DNAH8: variants seen among roughly 807,000 people sequenced by gnomAD.
The protein encoded by DNAH8 is axonemal beta dynein heavy chain 8.
DNAH8 carries 382 observed loss-of-function variants against 562.1 expected under a neutral mutation model. The observed-to-expected ratio is 0.68, with a 90% CI of 0.63 to 0.74. DNAH8 has a LOEUF of 0.74. Among genes scored for constraint, DNAH8 ranks in the 30% least tolerant of loss-of-function variants. The pLI is 0.00. For missense variants in DNAH8, 5,203 were observed against 5,620.4 expected (o/e 0.93, Z 2.37); for synonymous variants, 1,881 against 1,919.4 (o/e 0.98, Z 0.52).
intron 64 of DNAH8, 104 bp from the exon 65 acceptor site, chr6:38,909,414 C>A: frequency 9.9e-7 from 1 of 1,012,962 alleles, no homozygotes; most frequent in South Asian, 1.5e-5. Context: ...GATTCATTTT[C>A]AAATCTGTGA....
rs142920824 is a variant in DNAH8 at position 38,918,717 on chromosome 6, A to G, written c.10524+577A>G. Among the ~76,000 whole-genome samples the G allele has an allele frequency of 3.3e-5, 5 of 152,278 alleles. No homozygotes were observed. The East Asian group carries it at 9.6e-4, about 29-fold the overall frequency. ...GGGTCCAAGCACTCCATAATGGCCA[A>G]AGCTGGTCTTCATGGATGAGGGAAC... On this transcript the variant is annotated intron_variant, in intron 70 of 92. Coordinates refer to ENST00000327475, the MANE Select transcript of DNAH8 (RefSeq NM_001206927.2).
At chr6:38,746,498 C>G (rs926032686) in intron 8 of DNAH8, among the ~76,000 whole-genome samples, 32 of 151,918 alleles carry the variant, frequency 2.1e-4, no homozygotes, top group African/African-American at 7.3e-4. Context: ...GCCAGATGTG[C>G]TTATTTGTTG....
chr6:38,751,129 T>C (rs1435109542), intron 9 of DNAH8, among the ~76,000 whole-genome samples: 1 of 152,208 alleles, frequency 6.6e-6, no homozygotes, highest in East Asian at 1.9e-4. Flanking sequence ...TCAAAGTCTC[T>C]CATGAGGTTG....
At chr6:38,882,857 A>T (rs1246106453) in intron 53 of DNAH8, 53 bp from the exon 54 acceptor site, 6 of 1,261,770 alleles carry the variant, frequency 4.8e-6, no homozygotes, top group Non-Finnish European at 6.4e-6. Context: ...GTATTATGAG[A>T]TAACTTTCAC....
intron 77 of DNAH8, among the ~76,000 whole-genome samples, chr6:38,936,693 G>T (rs1346425309): frequency 1.3e-5 from 2 of 152,100 alleles, no homozygotes; most frequent in Non-Finnish European, 2.9e-5. Context: ...ATACCCCTGG[G>T]CATTAAAAAT....
At chr6:38,824,703 C>T (rs1209157247) in intron 28 of DNAH8, among the ~76,000 whole-genome samples, 1 of 152,144 alleles carries the variant, frequency 6.6e-6, no homozygotes, top group Non-Finnish European at 1.5e-5. Context: ...TCCATTTCCT[C>T]TGCTGATGAA....
intron 62 of DNAH8, among the ~76,000 whole-genome samples, chr6:38,903,355 TGA>T (rs1188230858): frequency 2.0e-5 from 3 of 151,764 alleles, no homozygotes; most frequent in Non-Finnish European, 4.4e-5. Flanking sequence ...AGAGCTGGAG[TGA>T]GAGAGTGAGG....
In DNAH8 at chr6:38,921,291, G is replaced by GT. The variant is rs1295162265; in HGVS notation, c.10525-77dup. 4.0e-6 allele frequency: 6 copies of GT among 1,514,298 alleles called. No homozygotes were observed. The Admixed American group carries it at 1.2e-4, about 31-fold the overall frequency. The allele number at this position is 1,514,298 out of a possible 1,614,324, so 93.8% of individuals were successfully genotyped here. A position where few individuals can be genotyped will look rare whatever the true frequency, so the allele number is the denominator to read the frequency against. On this transcript the variant is annotated intron_variant, in intron 70 of 92. Transcript: ENST00000327475. ...AAGTCCCGTCTAGTGCAGAAATTAT[G>GT]TGATTTGTGTTATCTACCAGTTACA... is the stretch of plus-strand genomic sequence containing the variant.
chr6:39,018,932 G>A lies in DNAH8; in HGVS notation c.13714+6295G>A, dbSNP rs181667613. ...AGGAGTCTGATTTGGGGGTGTGTGAGTGAAACGAGGAAATGGAGACTAGGT... is the reference window on the plus strand; with the variant it reads ...AGGAGTCTGATTTGGGGGTGTGTGAATGAAACGAGGAAATGGAGACTAGGT... On this transcript the variant is annotated intron_variant, in intron 91 of 92. Transcript: ENST00000327475. 3.6e-3 allele frequency among the ~76,000 whole-genome samples: 542 copies of A among 152,344 alleles called. 2 individuals carry two copies. Among genetic ancestry groups the A allele is most frequent in the Non-Finnish European group, 4.3e-3 (292 of 68,030 alleles).
At position 38,896,101 on chromosome 6, in the gene DNAH8, GCT is replaced by G; in HGVS notation, c.8819_8820del (p.Ser2940Ter). Reference sequence around the variant, plus strand: ...ACTCGTGCAGTTGAAGAAAATATTGGCTCTGATGCAGCGTCGTGTATTCTTCC... The same window carrying G: ...ACTCGTGCAGTTGAAGAAAATATTGGCTGATGCAGCGTCGTGTATTCTTCC... On this transcript the variant is annotated frameshift_variant, in exon 60 of 93. Coordinates refer to ENST00000327475, the MANE Select transcript of DNAH8 (RefSeq NM_001206927.2). LOFTEE classifies it high-confidence loss of function. 6.2e-7 allele frequency: 1 copy of G among 1,614,064 alleles called. No homozygotes were observed. The highest frequency in any genetic ancestry group is 2.2e-5 in the East Asian group (1 of 44,876).
In DNAH8 at chr6:39,030,187, A is replaced by G. The variant is rs1208589636; in HGVS notation, c.13919A>G (p.Lys4640Arg). The change falls in exon 93 of 93, where the codon AAG (lysine) becomes AGG (arginine). Residue 4640 changes from lysine to arginine, a missense_variant. Lys to Arg is a conservative substitution (Grantham distance 26). Around this residue, in one of 6 missense-constraint regions of DNAH8, gnomAD observed 1,399 missense variants for 1,518.4 expected, o/e 0.92. Transcript: ENST00000327475. ...GGGAAGCTCATGGAATCCACCCCCAAGGTACTCTTCACGCAGTTACCCGTG... is the reference window on the plus strand; with the variant it reads ...GGGAAGCTCATGGAATCCACCCCCAGGGTACTCTTCACGCAGTTACCCGTG... ...RNGKLMESTP[K>R]VLFTQLPVLH... is the part of the protein sequence containing the mutation. The G allele has an allele frequency of 6.2e-7, 1 of 1,614,012 alleles. No homozygotes were observed. Among genetic ancestry groups the G allele is most frequent in the Non-Finnish European group, 8.5e-7 (1 of 1,180,028 alleles).
chr6:38,917,464 G>C (rs756088756), intron 69 of DNAH8, 58 bp downstream of exon 69: 27 of 1,431,304 alleles, frequency 1.9e-5, no homozygotes, highest in Non-Finnish European at 2.6e-5. Flanking sequence ...CTCAGCCCAG[G>C]ACACTCAATA....
intron 3 of DNAH8, among the ~76,000 whole-genome samples, chr6:38,728,981 G>A (rs144104776): frequency 1.4e-4 from 21 of 152,276 alleles, no homozygotes; most frequent in South Asian, 8.3e-4. Flanking sequence ...CAAGGCAGGA[G>A]CATCACTTGA....
chr6:38,843,965 G>T (rs7764206), intron 35 of DNAH8, among the ~76,000 whole-genome samples: 3,864 of 152,172 alleles, frequency 0.025, 173 homozygotes, highest in African/African-American at 0.086. Context: ...TTCCTCTACT[G>T]TGCTGTGGTG....
chr6:38,902,684 G>A (rs542577436), intron 62 of DNAH8, among the ~76,000 whole-genome samples: 1 of 152,106 alleles, frequency 6.6e-6, no homozygotes, highest in Non-Finnish European at 1.5e-5. Flanking sequence ...TACCACACTT[G>A]ATTACAACAA....
At chr6:38,806,554 T>C (rs2150304457) in intron 23 of DNAH8, among the ~76,000 whole-genome samples, 1 of 152,198 alleles carries the variant, frequency 6.6e-6, no homozygotes, top group African/African-American at 2.4e-5. Flanking sequence ...CCTCAGAACC[T>C]CTCCAGTTGG....
intron 28 of DNAH8, among the ~76,000 whole-genome samples, chr6:38,824,214 G>A (rs987071214): frequency 6.6e-6 from 1 of 152,170 alleles, no homozygotes; most frequent in Non-Finnish European, 1.5e-5. Context: ...TACTGGTCAG[G>A]CACAGTGTAC....
Position 38,790,300 on chromosome 6 carries a change from G to T in DNAH8, c.2676G>T (p.Val892=). The change falls in exon 20 of 93, where the codon GTG becomes GTT. Residue 892 remains valine, a synonymous_variant. Coordinates refer to ENST00000327475, the MANE Select transcript of DNAH8 (RefSeq NM_001206927.2). ...MTPKMKKVES[V]LRQGLTVLTW... Reference sequence around the variant, plus strand: ...TTTACCGTTTCTAGGTGGAATCTGTGTTGAGGCAAGGACTCACAGTGTTAA... The same window carrying T: ...TTTACCGTTTCTAGGTGGAATCTGTTTTGAGGCAAGGACTCACAGTGTTAA... 4 of 1,602,636 alleles carry T rather than the reference G, an allele frequency of 2.5e-6. No homozygotes were observed. The highest frequency in any genetic ancestry group is 3.4e-6 in the Non-Finnish European group (4 of 1,172,252).
Position 38,723,016 on chromosome 6 carries a change from A to G in DNAH8, c.207A>G (p.Glu69=). The G allele has an allele frequency of 6.2e-7, 1 of 1,612,882 alleles. No homozygotes were observed. Among genetic ancestry groups the G allele is most frequent in the Non-Finnish European group, 8.5e-7 (1 of 1,179,888 alleles). Reference sequence around the variant, plus strand: ...ATCGGGATCTCATTCCTTCTGAAGAAGGGATAGTTCTTCCAGATGATCATG... The same window carrying G: ...ATCGGGATCTCATTCCTTCTGAAGAGGGGATAGTTCTTCCAGATGATCATG... ...VDYRDLIPSE[E]GIVLPDDHEA... Residue 69 remains glutamate, a synonymous_variant, in exon 2 of 93, where the codon GAA becomes GAG. Coordinates refer to ENST00000327475, the MANE Select transcript of DNAH8 (RefSeq NM_001206927.2).
Sources: allele counts gnomAD v4.1 joint callset (sites outside exome capture counted in the v4.1 genomes callset), GRCh38; gene constraint gnomAD v4.1.1; regional missense constraint gnomAD v4.1.1; transcripts MANE v1.5; gene names NCBI Gene and HGNC (gene_info 2026-07-23, HGNC 2026-07-21).